Variants in TBC1D19 observed in about 807,000 individuals in gnomAD.
TBC1D19 encodes TBC1 domain family, member 19.
A neutral mutation model predicts 89.0 loss-of-function variants in TBC1D19; 60 were observed. That is an observed-to-expected ratio of 0.67 (90% CI 0.55 to 0.84). TBC1D19 has a LOEUF of 0.84. Ranked by LOEUF, TBC1D19 falls within the 40% of genes least tolerant of loss-of-function variation. The pLI is 0.00. For synonymous variants in TBC1D19, 189 were observed against 199.7 expected (o/e 0.95, Z 0.45); for missense variants, 500 against 610.8 (o/e 0.82, Z 1.91).
At position 26,614,466 on chromosome 4, in the gene TBC1D19, A is replaced by T; in HGVS notation, c.218+13A>T. 5.1e-6 allele frequency: 8 copies of T among 1,576,786 alleles called. No individual in the cohort carries two copies. The highest frequency in any genetic ancestry group is 6.9e-6 in the Non-Finnish European group (8 of 1,160,294). On this transcript the variant is annotated intron_variant, in intron 3 of 20. Coordinates refer to ENST00000264866, the MANE Select transcript of TBC1D19 (RefSeq NM_018317.4). ...GTGAACTGAGTGTGTGAGTTTTCCCACCTATTTTACAATAGTATTTTGTTT... is the reference window on the plus strand; with the variant it reads ...GTGAACTGAGTGTGTGAGTTTTCCCTCCTATTTTACAATAGTATTTTGTTT...
the TBC1D19 span, among the ~76,000 whole-genome samples, chr4:26,847,678 C>A: frequency 1.3e-5 from 2 of 152,298 alleles, no homozygotes; most frequent in South Asian, 4.1e-4. Flanking sequence ...AACATGACCT[C>A]TTGCAGATGC....
chr4:26,635,750 T>C (rs541887039), intron 4 of TBC1D19, among the ~76,000 whole-genome samples: 258 of 152,234 alleles, frequency 1.7e-3, no homozygotes, highest in African/African-American at 5.8e-3. Flanking sequence ...CAGGGTGTTA[T>C]GAAAGCCCAT....
chr4:26,726,926 T>C (rs1717357952), intron 15 of TBC1D19, among the ~76,000 whole-genome samples: 1 of 152,256 alleles, frequency 6.6e-6, no homozygotes, highest in South Asian at 2.1e-4. Context: ...TAGTTAACGA[T>C]GTTTGCCATT....
intron 14 of TBC1D19, 58 bp from the exon 15 acceptor site, chr4:26,720,023 A>T (rs879933212): frequency 7.0e-7 from 1 of 1,429,302 alleles, no homozygotes; most frequent in Admixed American, 2.2e-5. Context: ...AAATAAGTTG[A>T]TTTTTAAAGA....
the TBC1D19 span, among the ~76,000 whole-genome samples, chr4:26,789,021 A>T: frequency 6.6e-6 from 1 of 152,070 alleles, no homozygotes; most frequent in African/African-American, 2.4e-5. Flanking sequence ...ATTTATGTGG[A>T]TGGGTAGTTG....
intron 7 of TBC1D19, among the ~76,000 whole-genome samples, chr4:26,646,533 T>C (rs1218442041): frequency 6.6e-6 from 1 of 152,168 alleles, no homozygotes; most frequent in Admixed American, 6.5e-5. Flanking sequence ...TGCGGTACTA[T>C]TCACAATAGC....
chr4:26,658,043 C>T (rs531429123), intron 7 of TBC1D19, among the ~76,000 whole-genome samples: 271 of 152,186 alleles, frequency 1.8e-3, no homozygotes, highest in African/African-American at 6.2e-3. Context: ...GTTGCCTGTT[C>T]ACTCTGATGA....
chr4:26,765,202 G>A, the TBC1D19 span, among the ~76,000 whole-genome samples: 2 of 152,124 alleles, frequency 1.3e-5, no homozygotes, highest in African/African-American at 4.8e-5. Flanking sequence ...AGCCTCAAAG[G>A]AGCAGAGGGG....
chr4:26,694,134 A>G (rs1714545235), intron 13 of TBC1D19, among the ~76,000 whole-genome samples: 1 of 152,114 alleles, frequency 6.6e-6, no homozygotes, highest in South Asian at 2.1e-4. Flanking sequence ...GGGTCAGGGA[A>G]TTCCCTTTTC....
chr4:26,578,584 A>G (rs1739015113), intron 1 of TBC1D19, among the ~76,000 whole-genome samples: 1 of 152,106 alleles, frequency 6.6e-6, no homozygotes, highest in Non-Finnish European at 1.5e-5. Context: ...TAAGAGAGAG[A>G]GAGAGAGAGA....
chr4:26,642,380 G>T (rs1743607056), intron 7 of TBC1D19, among the ~76,000 whole-genome samples: 1 of 152,196 alleles, frequency 6.6e-6, no homozygotes, highest in African/African-American at 2.4e-5. Flanking sequence ...AGCAAATACT[G>T]AGAAATTTTG....
At chr4:26,846,399 A>G in the TBC1D19 span, among the ~76,000 whole-genome samples, 2 of 152,228 alleles carry the variant, frequency 1.3e-5, no homozygotes, top group South Asian at 4.1e-4. Context: ...ACTTGTATTT[A>G]TACTTTTGTG....
chr4:26,651,293 A>G (rs1457737095), intron 7 of TBC1D19, among the ~76,000 whole-genome samples: 3 of 151,924 alleles, frequency 2.0e-5, no homozygotes, highest in Admixed American at 6.6e-5. Flanking sequence ...TTGAATCTAT[A>G]AATTACTTTG....
In TBC1D19 at chr4:26,688,365, CAAT is replaced by C; in HGVS notation, c.913_915del (p.Asn305del). ...TATAGGATGTGAAGTTGACAGCAAG[CAAT>C]GATGATTATTATTTTGTATTTGAAG... On this transcript the variant is annotated inframe_deletion, in exon 13 of 21. Coordinates refer to ENST00000264866, the MANE Select transcript of TBC1D19 (RefSeq NM_018317.4). The C allele has an allele frequency of 6.4e-7, 1 of 1,569,150 alleles. No homozygotes were observed.
At chr4:26,692,922 G>A (rs1169310908) in intron 13 of TBC1D19, among the ~76,000 whole-genome samples, 1 of 152,152 alleles carries the variant, frequency 6.6e-6, no homozygotes, top group East Asian at 1.9e-4. Context: ...GTGATATCGA[G>A]AAAGACAGAA....
At chr4:26,654,722 T>C (rs1353345471) in intron 7 of TBC1D19, among the ~76,000 whole-genome samples, 1 of 152,224 alleles carries the variant, frequency 6.6e-6, no homozygotes, top group African/African-American at 2.4e-5. Context: ...GGTTTTCAGC[T>C]CCATCAGGTC....
At chr4:26,846,272 A>G in the TBC1D19 span, among the ~76,000 whole-genome samples, 6 of 152,218 alleles carry the variant, frequency 3.9e-5, no homozygotes, top group African/African-American at 1.4e-4. Flanking sequence ...CTGATAGAAT[A>G]TAAGTAATTC....
chr4:26,700,766 C>A (rs969881850), intron 13 of TBC1D19, among the ~76,000 whole-genome samples: 1 of 152,110 alleles, frequency 6.6e-6, no homozygotes, highest in Non-Finnish European at 1.5e-5. Context: ...TGTCTTTAAT[C>A]TATGGGTATT....
At chr4:26,703,229 C>T (rs1715469647) in intron 13 of TBC1D19, among the ~76,000 whole-genome samples, 1 of 152,054 alleles carries the variant, frequency 6.6e-6, no homozygotes, top group South Asian at 2.1e-4. Flanking sequence ...ACTAAGAAAA[C>T]ACTTTCATGG....
Sources: gnomAD v4.1 joint callset for allele counts (sites outside exome capture counted in the v4.1 genomes callset) on GRCh38, gnomAD v4.1.1 for gene constraint, MANE v1.5 for transcripts, NCBI Gene and HGNC (gene_info 2026-07-23, HGNC 2026-07-21) for gene names.